Variants in PLCL2 observed in about 807,000 individuals in gnomAD.
PLCL2 encodes inactive phospholipase C-like protein 2.
In PLCL2, 4 loss-of-function variants were observed where a neutral mutation model predicts 79.6. The ratio of observed to expected loss-of-function variants is 0.05; its 90% CI spans 0.02 to 0.11. The LOEUF is 0.11. PLCL2 is among the 10% of genes least tolerant of loss of function. The pLI, the probability that PLCL2 is intolerant of heterozygous loss-of-function variation, is 1.00. For missense variants in PLCL2, 895 were observed against 1,291.0 expected, an observed-to-expected ratio of 0.69 and a Z score of 4.70; for synonymous variants, 484 against 457.7, an observed-to-expected ratio of 1.06 and a Z score of -0.73.
intron 1 of PLCL2, among the ~76,000 whole-genome samples, chr3:16,978,031 T>C (rs1325859747): frequency 6.6e-6 from 1 of 152,184 alleles, no homozygotes; most frequent in Non-Finnish European, 1.5e-5. Flanking sequence ...CCCTTAATAT[T>C]ATCACATTGG....
intron 5 of PLCL2, 68 bp downstream of exon 5, chr3:17,068,133 T>C (rs980231956): frequency 1.1e-4 from 93 of 839,556 alleles, no homozygotes; most frequent in Admixed American, 3.7e-4. Context: ...CCTCTCTTAG[T>C]ATAACATTTC....
intron 1 of PLCL2, among the ~76,000 whole-genome samples, chr3:16,950,488 C>T (rs1014708839): frequency 1.3e-5 from 2 of 151,690 alleles, no homozygotes; most frequent in Non-Finnish European, 2.9e-5. Flanking sequence ...GATCTCTTAG[C>T]CTGTTGATTC....
chr3:16,999,521 T>C (rs1270400769), intron 1 of PLCL2, among the ~76,000 whole-genome samples: 1 of 152,228 alleles, frequency 6.6e-6, no homozygotes, highest in East Asian at 1.9e-4. Context: ...GAACTCATCT[T>C]ATCATTGTAA....
chr3:16,976,067 G>A (rs2063923007), intron 1 of PLCL2, among the ~76,000 whole-genome samples: 1 of 152,158 alleles, frequency 6.6e-6, no homozygotes, highest in Admixed American at 6.5e-5. Flanking sequence ...GAAGAAGTGG[G>A]CAAGGAAACA....
At chr3:16,924,104 G>T (rs983087274) in intron 1 of PLCL2, among the ~76,000 whole-genome samples, 1 of 152,162 alleles carries the variant, frequency 6.6e-6, no homozygotes, top group Non-Finnish European at 1.5e-5. Context: ...TACATCCAAT[G>T]TGTGGGTTTC....
At position 17,042,934 on chromosome 3, in the gene PLCL2, C is replaced by T. The variant is rs1418827208; in HGVS notation, c.3079C>T (p.His1027Tyr). 1 of 1,609,722 alleles carries T rather than the reference C, an allele frequency of 6.2e-7. No individual in the cohort carries two copies. Among genetic ancestry groups the T allele is most frequent in the East Asian group, 2.2e-5 (1 of 44,846 alleles). Residue 1027 changes from histidine (H) to tyrosine (Y), a missense_variant, in exon 4 of 6, where the codon CAT becomes TAT. Physicochemically the swap from His to Tyr is moderately conservative, Grantham distance 83. Coordinates refer to ENST00000615277, the MANE Select transcript of PLCL2 (RefSeq NM_001144382.2). ...AGATGCTGTATATGAAAAGATCGTA[C>T]ATTGTCAGAAGGCAGGTAAGTGAAA... ...NADAVYEKIV[H>Y]CQKAAMEFHE...
chr3:17,073,884 T>C (rs1434962725), intron 5 of PLCL2, among the ~76,000 whole-genome samples: 2 of 152,200 alleles, frequency 1.3e-5, no homozygotes, highest in Non-Finnish European at 2.9e-5. Flanking sequence ...TTATTTTCAT[T>C]CCATCTGCAT....
intron 1 of PLCL2, among the ~76,000 whole-genome samples, chr3:16,973,176 G>A (rs1003665130): frequency 6.6e-6 from 1 of 152,086 alleles, no homozygotes; most frequent in African/African-American, 2.4e-5. Context: ...GGCAGGTCAG[G>A]TGATAATAGA....
chr3:16,894,236 TATCA>T (rs927372647), intron 1 of PLCL2, among the ~76,000 whole-genome samples: 6 of 152,236 alleles, frequency 3.9e-5, no homozygotes, highest in African/African-American at 2.4e-5. Context: ...TTTTTATTTC[TATCA>T]ATCCATGCTA....
At chr3:16,962,423 C>CTTT (rs5846949) in intron 1 of PLCL2, among the ~76,000 whole-genome samples, 1 of 144,198 alleles carries the variant, frequency 6.9e-6, no homozygotes, top group Non-Finnish European at 1.5e-5. Flanking sequence ...CAGGAGCTTT[C>CTTT]TTTTTTTTTT....
chr3:16,914,367 T>TA (rs1180596184), intron 1 of PLCL2, among the ~76,000 whole-genome samples: 1 of 152,198 alleles, frequency 6.6e-6, no homozygotes, highest in Admixed American at 6.5e-5. Context: ...AGAAAGATCA[T>TA]AAGAAAGTTG....
intron 1 of PLCL2, among the ~76,000 whole-genome samples, chr3:16,936,465 C>G (rs1355654318): frequency 6.6e-6 from 1 of 151,778 alleles, no homozygotes; most frequent in Non-Finnish European, 1.5e-5. Context: ...CCATGTGTAT[C>G]TGTTTGATAA....
intron 1 of PLCL2, among the ~76,000 whole-genome samples, chr3:16,948,260 A>G (rs1012564599): frequency 2.6e-5 from 4 of 152,152 alleles, no homozygotes; most frequent in African/African-American, 4.8e-5. Flanking sequence ...GAAGCCAGAC[A>G]CAAAAGGCCG....
At chr3:17,052,156 G>T (rs890487837) in intron 4 of PLCL2, among the ~76,000 whole-genome samples, 3 of 150,558 alleles carry the variant, frequency 2.0e-5, no homozygotes, top group African/African-American at 7.3e-5. Context: ...ATAAATTCCT[G>T]CTGGAGAAAA....
At chr3:16,957,588 A>G (rs1229435937) in intron 1 of PLCL2, among the ~76,000 whole-genome samples, 2 of 151,980 alleles carry the variant, frequency 1.3e-5, no homozygotes, top group South Asian at 2.1e-4. Context: ...TATCCTTGTT[A>G]ACTTTCTGTC....
chr3:16,911,051 G>A (rs1200790599), intron 1 of PLCL2, among the ~76,000 whole-genome samples: 1 of 151,998 alleles, frequency 6.6e-6, no homozygotes, highest in Non-Finnish European at 1.5e-5. Context: ...CCAGGAGTTC[G>A]AGACCAACCT....
At chr3:16,985,084 G>A (rs1308040318) in intron 1 of PLCL2, among the ~76,000 whole-genome samples, 1 of 152,112 alleles carries the variant, frequency 6.6e-6, no homozygotes, top group Non-Finnish European at 1.5e-5. Flanking sequence ...TTTTCAAAGA[G>A]AATTGTTTGT....
intron 1 of PLCL2, among the ~76,000 whole-genome samples, chr3:16,993,711 T>C (rs1313468573): frequency 6.6e-6 from 1 of 152,212 alleles, no homozygotes; most frequent in African/African-American, 2.4e-5. Flanking sequence ...ATTATAATAC[T>C]TTTATGTAAA....
At chr3:17,063,232 C>T (rs1256618073) in intron 4 of PLCL2, among the ~76,000 whole-genome samples, 11 of 85,042 alleles carry the variant, frequency 1.3e-4, no homozygotes, top group South Asian at 5.3e-4. Context: ...CTTCCTCCCT[C>T]CCTCCCTCCC....
Sources: allele counts gnomAD v4.1 joint callset (sites outside exome capture counted in the v4.1 genomes callset), GRCh38; gene constraint gnomAD v4.1.1; transcripts MANE v1.5; gene names NCBI Gene and HGNC (gene_info 2026-07-23, HGNC 2026-07-21).